Variants in ASTN2 observed in about 807,000 individuals in gnomAD.
ASTN2 encodes astrotactin 2, also known as astrotactin-2.
ASTN2 carries 54 observed loss-of-function variants against 139.8 expected under a neutral mutation model. The ratio of observed to expected loss-of-function variants is 0.39; its 90% CI spans 0.31 to 0.48. ASTN2 has a LOEUF of 0.48. Among genes scored for constraint, ASTN2 ranks in the 20% least tolerant of loss-of-function variants. The pLI is 0.95. For synonymous variants in ASTN2, 756 were observed against 719.5 expected (o/e 1.05, Z -0.81); for missense variants, 1,565 against 1,725.1 (o/e 0.91, Z 1.64).
intron 5 of ASTN2, among the ~76,000 whole-genome samples, chr9:117,091,482 C>A (rs533368347): frequency 6.6e-6 from 1 of 152,140 alleles, no homozygotes; most frequent in African/African-American, 2.4e-5. Flanking sequence ...GGGTACAGCA[C>A]AGCATCTGGT....
intron 2 of ASTN2, among the ~76,000 whole-genome samples, chr9:117,229,607 C>T (rs1306147969): frequency 6.6e-6 from 1 of 152,204 alleles, no homozygotes; most frequent in East Asian, 1.9e-4. Flanking sequence ...AGCCTGGGAA[C>T]TGTCTAAACT....
At chr9:117,142,650 G>C (rs932138504) in intron 3 of ASTN2, among the ~76,000 whole-genome samples, 12 of 152,056 alleles carry the variant, frequency 7.9e-5, no homozygotes, top group African/African-American at 2.9e-4. Context: ...AGTACATGGA[G>C]AAAGTAAGGT....
intron 19 of ASTN2, among the ~76,000 whole-genome samples, chr9:116,615,292 T>C (rs1453166394): frequency 6.6e-6 from 1 of 152,186 alleles, no homozygotes; most frequent in Non-Finnish European, 1.5e-5. Flanking sequence ...GTAAACTAGT[T>C]GAACCATTGT....
chr9:116,646,936 C>A (rs1452821651), intron 17 of ASTN2, among the ~76,000 whole-genome samples: 4 of 152,152 alleles, frequency 2.6e-5, no homozygotes, highest in African/African-American at 4.8e-5. Context: ...TCAGCTCCAG[C>A]CACACTGGTT....
At chr9:117,170,925 G>A (rs1830776853) in intron 3 of ASTN2, among the ~76,000 whole-genome samples, 1 of 152,152 alleles carries the variant, frequency 6.6e-6, no homozygotes, top group Admixed American at 6.5e-5. Context: ...TGTACCAAGA[G>A]ACAGATGCCT....
chr9:116,678,094 G>T, intron 16 of ASTN2, among the ~76,000 whole-genome samples: 1 of 152,186 alleles, frequency 6.6e-6, no homozygotes, highest in East Asian at 1.9e-4. Flanking sequence ...TGGAAATAAA[G>T]ACAGTTTTAA....
chr9:117,270,352 C>T (rs1834034939), intron 2 of ASTN2, among the ~76,000 whole-genome samples: 1 of 152,208 alleles, frequency 6.6e-6, no homozygotes. Flanking sequence ...TTCTCCCTCC[C>T]TCTAGTCTCT....
At chr9:116,539,952 A>C (rs958256508) in intron 19 of ASTN2, among the ~76,000 whole-genome samples, 28 of 152,246 alleles carry the variant, frequency 1.8e-4, no homozygotes, top group African/African-American at 6.8e-4. Context: ...TATAATTGAT[A>C]AGAAACCATT....
intron 16 of ASTN2, among the ~76,000 whole-genome samples, chr9:116,724,396 A>G (rs1255010931): frequency 2.0e-5 from 3 of 152,184 alleles, no homozygotes; most frequent in Non-Finnish European, 4.4e-5. Flanking sequence ...CAGGAAGCAG[A>G]AAGGGCTGAG....
chr9:116,502,072 A>G (rs907368176), intron 19 of ASTN2, among the ~76,000 whole-genome samples: 1 of 152,026 alleles, frequency 6.6e-6, no homozygotes, highest in African/African-American at 2.4e-5. Context: ...ACACCATTTA[A>G]CCAGGCTGAG....
At chr9:116,939,032 A>T (rs1408979214) in intron 10 of ASTN2, among the ~76,000 whole-genome samples, 2 of 152,250 alleles carry the variant, frequency 1.3e-5, no homozygotes, top group Non-Finnish European at 2.9e-5. Context: ...TGTGTGAAAC[A>T]GTAGTACTAA....
intron 22 of ASTN2, among the ~76,000 whole-genome samples, chr9:116,428,273 C>A (rs535233931): frequency 2.0e-4 from 30 of 152,260 alleles, no homozygotes; most frequent in South Asian, 8.3e-4. Context: ...TGCCTGTAAT[C>A]CCAGCACTTT....
intron 19 of ASTN2, among the ~76,000 whole-genome samples, chr9:116,531,182 GT>G (rs1318496185): frequency 6.6e-6 from 1 of 152,072 alleles, no homozygotes; most frequent in African/African-American, 2.4e-5. Flanking sequence ...CTTATCATCT[GT>G]GTTGTGTTTG....
chr9:116,833,775 A>T (rs1225101183), intron 11 of ASTN2, among the ~76,000 whole-genome samples: 1 of 152,154 alleles, frequency 6.6e-6, no homozygotes, highest in African/African-American at 2.4e-5. Context: ...CCCCACAAAG[A>T]TTTGTATGTT....
intron 2 of ASTN2, among the ~76,000 whole-genome samples, chr9:117,261,769 T>C (rs1386033478): frequency 6.6e-6 from 1 of 152,128 alleles, no homozygotes; most frequent in East Asian, 1.9e-4. Flanking sequence ...TCCCATCCAA[T>C]TTCAGCTAGC....
At chr9:116,853,605 C>T (rs1320554673) in intron 11 of ASTN2, among the ~76,000 whole-genome samples, 2 of 152,178 alleles carry the variant, frequency 1.3e-5, no homozygotes, top group Non-Finnish European at 2.9e-5. Flanking sequence ...TCACTGGACT[C>T]CACTCCCACA....
At chr9:117,350,483 G>A (rs559323424) in intron 1 of ASTN2, among the ~76,000 whole-genome samples, 2 of 152,002 alleles carry the variant, frequency 1.3e-5, no homozygotes, top group Non-Finnish European at 2.9e-5. Context: ...CTGATAGGGG[G>A]GTGGTGGTTG....
intron 2 of ASTN2, among the ~76,000 whole-genome samples, chr9:117,283,673 A>G (rs1453215339): frequency 6.6e-6 from 1 of 152,116 alleles, no homozygotes; most frequent in Non-Finnish European, 1.5e-5. Flanking sequence ...CCACTACTAG[A>G]TGTTTGCCAT....
intron 19 of ASTN2, among the ~76,000 whole-genome samples, chr9:116,561,216 C>T (rs1256216679): frequency 3.3e-5 from 5 of 152,118 alleles, no homozygotes; most frequent in African/African-American, 1.2e-4. Context: ...CATCGTGATG[C>T]ATTTGGTCAT....
Sources: allele counts gnomAD v4.1 joint callset (sites outside exome capture counted in the v4.1 genomes callset), GRCh38; gene constraint gnomAD v4.1.1; transcripts MANE v1.5; gene names NCBI Gene and HGNC (gene_info 2026-07-23, HGNC 2026-07-21).